The following HEATR1 variants were observed in gnomAD, a reference collection of about 807,000 sequenced individuals.
The protein encoded by HEATR1 is HEAT repeat-containing protein 1.
In HEATR1, 77 loss-of-function variants were observed where a neutral mutation model predicts 248.2. That is an observed-to-expected ratio of 0.31 (90% CI 0.26 to 0.37). The LOEUF is 0.37. Among genes scored for constraint, HEATR1 ranks in the 10% least tolerant of loss-of-function variants. The pLI is 1.00. For synonymous variants in HEATR1, 897 were observed against 923.1 expected, an observed-to-expected ratio of 0.97 and a Z score of 0.51; for missense variants, 2,420 against 2,504.9, an observed-to-expected ratio of 0.97 and a Z score of 0.72.
At position 236,595,537 on chromosome 1, in the gene HEATR1, C is replaced by T. The variant is rs1664154349; in HGVS notation, c.1090+3G>A. On this transcript the variant is annotated splice_donor_region_variant and intron_variant, in intron 8 of 44. Coordinates refer to ENST00000366582, the MANE Select transcript of HEATR1 (RefSeq NM_018072.6). Reference sequence around the variant, plus strand: ...TCTGGACAAAAAATATAAAACCACACACCTGTAACATGATGAATGATGGAG... The same window carrying T: ...TCTGGACAAAAAATATAAAACCACATACCTGTAACATGATGAATGATGGAG... 6.2e-7 allele frequency: 1 copy of T among 1,603,016 alleles called. No homozygotes were observed. The highest frequency in any genetic ancestry group is 8.5e-7 in the Non-Finnish European group (1 of 1,175,368).
chr1:236,596,240 C>G (rs74147505), intron 6 of HEATR1, among the ~76,000 whole-genome samples, 196 bp from the exon 7 acceptor site: 2 of 152,142 alleles, frequency 1.3e-5, no homozygotes, highest in Non-Finnish European at 2.9e-5. Context: ...GTCTGTTGAA[C>G]GAGACAAAGG....
chr1:236,555,190 TAAG>T lies in HEATR1; in HGVS notation c.5923+103_5923+105del, dbSNP rs2103123747. 8 of 1,193,378 alleles carry T rather than the reference TAAG, an allele frequency of 6.7e-6. No homozygotes were observed. In the South Asian group the frequency reaches 1.0e-4, roughly 15 times the overall value. 73.9% of individuals were successfully genotyped at this position (1,193,378 alleles called of 1,614,324 possible). A position where few individuals can be genotyped will look rare whatever the true frequency, so the allele number is the denominator to read the frequency against. ...AATTCACCCTCCTTAGCTTAGGACT[TAAG>T]AACCTCTAAAATCTTGCTTCCAAGC... On this transcript the variant is annotated intron_variant, in intron 41 of 44. Coordinates refer to ENST00000366582, the MANE Select transcript of HEATR1 (RefSeq NM_018072.6).
chr1:236,571,434 C>A lies in HEATR1; in HGVS notation c.3865G>T (p.Val1289Phe). Residue 1289 changes from valine (V) to phenylalanine (F), a missense_variant, in exon 28 of 45, where the codon GTT becomes TTT. By Grantham distance (50) the Val-to-Phe change is conservative. Transcript: ENST00000366582. ...ATCTCCGAAAGGCGGATGCACTGAA[C>A]TATCAACTCCACGTTGAACTTCTCC... ...DEEKFNVELIVQCIRLSEMPQ... is the reference protein window; with the variant it reads ...DEEKFNVELIFQCIRLSEMPQ... 6.2e-7 allele frequency: 1 copy of A among 1,613,812 alleles called. No individual in the cohort carries two copies. Among genetic ancestry groups the A allele is most frequent in the Non-Finnish European group, 8.5e-7 (1 of 1,179,960 alleles).
intron 19 of HEATR1, among the ~76,000 whole-genome samples, chr1:236,582,359 G>C (rs1216691068): frequency 6.6e-6 from 1 of 151,568 alleles, no homozygotes; most frequent in African/African-American, 2.4e-5. Flanking sequence ...ACCCACCTTG[G>C]CCTCCCAAAG....
At chr1:236,553,448 T>C (rs1662843350) in intron 43 of HEATR1, 133 bp downstream of exon 43, 1 of 926,854 alleles carries the variant, frequency 1.1e-6, no homozygotes. Context: ...ACCGGACCTC[T>C]AGTACTGGAT....
chr1:236,559,157 A>C, intron 34 of HEATR1, 22 bp from the exon 35 acceptor site: 2 of 1,532,118 alleles, frequency 1.3e-6, no homozygotes, highest in Non-Finnish European at 1.7e-6. Flanking sequence ...TTTTATATTT[A>C]ACATGAAAAG....
Position 236,558,490 on chromosome 1 carries a change from T to C in HEATR1, c.4951A>G (p.Ile1651Val). The C allele has an allele frequency of 5.0e-6, 8 of 1,614,148 alleles. No homozygotes were observed. In the East Asian group the frequency reaches 6.7e-5, roughly 13 times the overall value. The part of the protein sequence containing the change: ...FLKLVPDLLA[I>V]VQRKKKEGEE... ...CCTTCCTTTTTCTTACGCTGCACAA[T>C]GGCCAAAAGGTCTGGAACCAGTTTT... The change falls in exon 36 of 45, where the codon ATT (isoleucine) becomes GTT (valine). Residue 1651 changes from isoleucine (I) to valine (V), a missense_variant. Physicochemically the swap from Ile to Val is conservative, Grantham distance 29. Coordinates refer to ENST00000366582, the MANE Select transcript of HEATR1 (RefSeq NM_018072.6).
intron 20 of HEATR1, among the ~76,000 whole-genome samples, chr1:236,578,974 T>A (rs1013061138): frequency 1.3e-5 from 2 of 152,222 alleles, no homozygotes; most frequent in East Asian, 1.9e-4. Flanking sequence ...TTATTTCATA[T>A]CTACTGCAGC....
chr1:236,561,550 T>C (rs1458926047), intron 32 of HEATR1, among the ~76,000 whole-genome samples: 1 of 152,240 alleles, frequency 6.6e-6, no homozygotes, highest in Non-Finnish European at 1.5e-5. Context: ...CCGAATTCTA[T>C]GACATGCTGA....
At chr1:236,576,659 T>C in intron 21 of HEATR1, 121 bp downstream of exon 21, 1 of 888,820 alleles carries the variant, frequency 1.1e-6, no homozygotes, top group Non-Finnish European at 1.7e-6. Flanking sequence ...GACCTATCAG[T>C]TCCTAAATCC....
intron 16 of HEATR1, among the ~76,000 whole-genome samples, chr1:236,585,417 C>G (rs1663859546): frequency 6.6e-6 from 1 of 152,084 alleles, no homozygotes; most frequent in Non-Finnish European, 1.5e-5. Flanking sequence ...ATTGCACTTG[C>G]CAACTGGTTA....
In HEATR1 at chr1:236,592,073, A is replaced by T; in HGVS notation, c.1342T>A (p.Leu448Ile). The change falls in exon 11 of 45, where the codon TTA becomes ATA. Residue 448 changes from leucine (L) to isoleucine (I), a missense_variant. By Grantham distance (5) the Leu-to-Ile change is conservative. Transcript: ENST00000366582. The stretch of plus-strand genomic sequence containing the variant: ...TTTTTCAGATCTGCAATTTCCTTTA[A>T]GTGTTCCTCTAATACAACATCTAAT... ...RTLDVVLEEH[L>I]KEIADLKKQE... 5 of 1,607,608 alleles carry T rather than the reference A, an allele frequency of 3.1e-6. No homozygotes were observed. Among genetic ancestry groups the T allele is most frequent in the Non-Finnish European group, 4.3e-6 (5 of 1,174,952 alleles).
At chr1:236,591,961 A>C (rs1469287350) in intron 11 of HEATR1, 32 bp downstream of exon 11, 1 of 1,354,182 alleles carries the variant, frequency 7.4e-7, no homozygotes, top group Non-Finnish European at 1.0e-6. Flanking sequence ...ATGTACCCCA[A>C]ATTGTCATAA....
At chr1:236,564,860 T>C (rs1663228598) in intron 31 of HEATR1, among the ~76,000 whole-genome samples, 199 bp from the exon 32 acceptor site, 1 of 152,182 alleles carries the variant, frequency 6.6e-6, no homozygotes, top group Non-Finnish European at 1.5e-5. Flanking sequence ...AAGTACCCAG[T>C]GGCCCTGAGA....
At chr1:236,594,831 T>C (rs1288910493) in intron 8 of HEATR1, among the ~76,000 whole-genome samples, 1 of 149,318 alleles carries the variant, frequency 6.7e-6, no homozygotes, top group Non-Finnish European at 1.5e-5. Flanking sequence ...AGGGTCTCAC[T>C]CTGTCGCCCA....
In HEATR1 at chr1:236,574,800, G is replaced by A. The variant is rs868743217; in HGVS notation, c.3188C>T (p.Thr1063Ile). The A allele has an allele frequency of 1.1e-5, 17 of 1,614,020 alleles. No individual in the cohort carries two copies. The highest frequency in any genetic ancestry group is 1.6e-4 in the Middle Eastern group (1 of 6,062). ...LKDEAMVLHL[T>I]LGKYNEFSVS... Reference sequence around the variant, plus strand: ...TGAAAATTCATTATACTTTCCCAGAGTGAGATGCAGAACCATGGCCTCATC... The same window carrying A: ...TGAAAATTCATTATACTTTCCCAGAATGAGATGCAGAACCATGGCCTCATC... Residue 1063 changes from threonine to isoleucine, a missense_variant, in exon 23 of 45, where the codon ACT becomes ATT. Coordinates refer to ENST00000366582, the MANE Select transcript of HEATR1 (RefSeq NM_018072.6).
intron 16 of HEATR1, 103 bp from the exon 17 acceptor site, chr1:236,585,319 GA>G (rs1663857176): frequency 1.4e-5 from 13 of 911,336 alleles, no homozygotes; most frequent in Non-Finnish European, 2.0e-5. Flanking sequence ...CATTTAAAGT[GA>G]GATGACAAAC....
chr1:236,581,705 G>C (rs987546452), intron 19 of HEATR1, among the ~76,000 whole-genome samples: 2 of 152,172 alleles, frequency 1.3e-5, no homozygotes, highest in African/African-American at 4.8e-5. Flanking sequence ...AATGTGCTGA[G>C]CAATGCCAAC....
intron 30 of HEATR1, among the ~76,000 whole-genome samples, chr1:236,566,444 T>G (rs1037314639): frequency 2.0e-5 from 3 of 152,202 alleles, no homozygotes; most frequent in Non-Finnish European, 4.4e-5. Flanking sequence ...GATGTTTTGC[T>G]GCAACTGAGG....
Sources: gnomAD v4.1 joint callset for allele counts (sites outside exome capture counted in the v4.1 genomes callset) on GRCh38, gnomAD v4.1.1 for gene constraint, MANE v1.5 for transcripts, NCBI Gene and HGNC (gene_info 2026-07-23, HGNC 2026-07-21) for gene names.